GSTCD: variants seen among roughly 807,000 people sequenced by gnomAD.
The protein encoded by GSTCD is glutathione S-transferase C-terminal domain-containing protein.
In GSTCD, 44 loss-of-function variants were observed where a neutral mutation model predicts 68.3. The observed-to-expected ratio is 0.64, with a 90% CI of 0.51 to 0.83. The LOEUF (loss-of-function observed/expected upper bound fraction) is 0.83. Ranked by LOEUF, GSTCD falls within the 40% of genes least tolerant of loss-of-function variation. The probability of loss-of-function intolerance (pLI) is 0.00; values close to 1 mark genes in which losing one functional copy is unlikely to be tolerated. For missense variants in GSTCD, 739 were observed against 735.9 expected, an observed-to-expected ratio of 1.00 and a Z score of -0.05; for synonymous variants, 273 against 255.2, an observed-to-expected ratio of 1.07 and a Z score of -0.67.
chr4:105,810,017 CAA>C (rs1722692115), intron 5 of GSTCD, among the ~76,000 whole-genome samples: 1 of 151,836 alleles, frequency 6.6e-6, no homozygotes, highest in African/African-American at 2.4e-5. Context: ...AATAATAGCA[CAA>C]AGTCTTTTAT....
At chr4:105,809,397 T>C (rs1722664833) in intron 5 of GSTCD, among the ~76,000 whole-genome samples, 1 of 152,028 alleles carries the variant, frequency 6.6e-6, no homozygotes, top group Non-Finnish European at 1.5e-5. Flanking sequence ...TTCTCTTTGT[T>C]TGGAAAACTC....
intron 5 of GSTCD, among the ~76,000 whole-genome samples, chr4:105,730,143 T>A (rs1237568506): frequency 1.3e-5 from 2 of 152,230 alleles, no homozygotes; most frequent in African/African-American, 4.8e-5. Flanking sequence ...AGTCTAACAT[T>A]GATGGACATT....
At chr4:105,716,221 A>G (rs1179054840) in intron 1 of GSTCD, among the ~76,000 whole-genome samples, 1 of 152,238 alleles carries the variant, frequency 6.6e-6, no homozygotes, top group Non-Finnish European at 1.5e-5. Flanking sequence ...AAGAAAAAAC[A>G]TAGATGGAAA....
intron 5 of GSTCD, among the ~76,000 whole-genome samples, chr4:105,800,542 A>G (rs1454462112): frequency 6.6e-6 from 1 of 152,180 alleles, no homozygotes; most frequent in Non-Finnish European, 1.5e-5. Flanking sequence ...ATGAAGAAAA[A>G]GTGAAAAATA....
At chr4:105,789,639 G>C (rs1483162164) in intron 5 of GSTCD, among the ~76,000 whole-genome samples, 2 of 151,928 alleles carry the variant, frequency 1.3e-5, no homozygotes, top group Non-Finnish European at 1.5e-5. Context: ...GGAATTCACA[G>C]TCTGTTTATA....
chr4:105,816,138 C>T (rs1478849360), intron 5 of GSTCD, among the ~76,000 whole-genome samples: 1 of 152,090 alleles, frequency 6.6e-6, no homozygotes, highest in Non-Finnish European at 1.5e-5. Context: ...CTTTCTTCAA[C>T]TTTTGTCCCT....
chr4:105,731,954 G>A (rs1390861703), intron 5 of GSTCD, among the ~76,000 whole-genome samples: 2 of 152,164 alleles, frequency 1.3e-5, no homozygotes, highest in Non-Finnish European at 2.9e-5. Context: ...AGATAATCAT[G>A]TGGTTTTTGT....
intron 5 of GSTCD, among the ~76,000 whole-genome samples, chr4:105,802,335 G>A (rs73839021): frequency 0.02 from 3,001 of 152,062 alleles, 111 homozygotes; most frequent in African/African-American, 0.068. Context: ...AGTGATCTGA[G>A]GCCAGCCTCT....
chr4:105,847,455 A>G lies in GSTCD; in HGVS notation c.*1878A>G, dbSNP rs1279096179. 1 of 152,154 alleles carries G rather than the reference A, an allele frequency of 6.6e-6. No individual in the cohort carries two copies. Among genetic ancestry groups the G allele is most frequent in the East Asian group, 1.9e-4 (1 of 5,202 alleles). The allele number at this position is 152,154 out of a possible 1,614,324, so 9.4% of individuals were successfully genotyped here. ...TCTTCTTTTAAGTGAGGTTTAATTT[A>G]TATACAATACAATAACAGATTTTTA... On this transcript the variant is annotated 3_prime_UTR_variant, in exon 12 of 12. Coordinates refer to ENST00000515279, the MANE Select transcript of GSTCD (RefSeq NM_001370181.1).
At chr4:105,795,006 C>T (rs901626984) in intron 5 of GSTCD, among the ~76,000 whole-genome samples, 1 of 151,862 alleles carries the variant, frequency 6.6e-6, no homozygotes, top group African/African-American at 2.4e-5. Flanking sequence ...TCCTGAGTAG[C>T]TGGGATTACA....
chr4:105,806,689 A>C (rs1254624655), intron 5 of GSTCD, among the ~76,000 whole-genome samples: 2 of 152,062 alleles, frequency 1.3e-5, no homozygotes, highest in Admixed American at 6.6e-5. Context: ...ATTTCATATC[A>C]TCTCTTCCTC....
chr4:105,802,310 C>T (rs1736135073), intron 5 of GSTCD, among the ~76,000 whole-genome samples: 1 of 152,058 alleles, frequency 6.6e-6, no homozygotes, highest in Non-Finnish European at 1.5e-5. Flanking sequence ...CATTATGTGG[C>T]ATATAATACT....
intron 5 of GSTCD, among the ~76,000 whole-genome samples, chr4:105,813,729 T>C (rs1434674406): frequency 6.6e-6 from 1 of 152,232 alleles, no homozygotes; most frequent in East Asian, 1.9e-4. Context: ...GTTCCGTTTA[T>C]ATGGAGTGCT....
At chr4:105,816,340 T>C (rs1290115778) in intron 5 of GSTCD, among the ~76,000 whole-genome samples, 13 of 152,138 alleles carry the variant, frequency 8.5e-5, no homozygotes, top group African/African-American at 3.1e-4. Context: ...AATTGATTGC[T>C]CAACCTCTCC....
intron 2 of GSTCD, among the ~76,000 whole-genome samples, chr4:105,718,818 T>A (rs1036848066): frequency 1.3e-5 from 2 of 151,638 alleles, no homozygotes; most frequent in Non-Finnish European, 1.5e-5. Context: ...ACAGGGGAGG[T>A]ATATTGTAAA....
At chr4:105,764,119 A>T (rs929003651) in intron 5 of GSTCD, among the ~76,000 whole-genome samples, 1 of 152,182 alleles carries the variant, frequency 6.6e-6, no homozygotes, top group African/African-American at 2.4e-5. Context: ...TTAACAGTGT[A>T]CCTCTAAATT....
intron 8 of GSTCD, among the ~76,000 whole-genome samples, chr4:105,829,804 T>G (rs2149280769): frequency 2.0e-5 from 3 of 151,936 alleles, no homozygotes; most frequent in Admixed American, 2.0e-4. Context: ...GATAATACAT[T>G]AGTGAAACAA....
intron 4 of GSTCD, among the ~76,000 whole-genome samples, chr4:105,727,088 C>CTT (rs5860809): frequency 0.16 from 22,036 of 137,956 alleles, 2,038 homozygotes; most frequent in Middle Eastern, 0.26. Context: ...TTTCTCAAAA[C>CTT]TTTTTTTTTT....
At chr4:105,840,680 A>G (rs2544412) in intron 10 of GSTCD, among the ~76,000 whole-genome samples, 92,828 of 152,144 alleles carry the variant, frequency 0.61, 33,887 homozygotes, top group East Asian at 0.9. Flanking sequence ...ACTTTTGGCT[A>G]CATGCAGATT....
Sources: allele counts gnomAD v4.1 joint callset (sites outside exome capture counted in the v4.1 genomes callset), GRCh38; gene constraint gnomAD v4.1.1; transcripts MANE v1.5; gene names NCBI Gene and HGNC (gene_info 2026-07-23, HGNC 2026-07-21).